The following RALYL variants were observed in gnomAD, a reference collection of about 807,000 sequenced individuals.
The protein encoded by RALYL is RALY RNA binding protein like, also known as RNA-binding Raly-like protein.
Under a neutral mutation model 35.1 loss-of-function variants are expected in RALYL, and 29 were observed. The ratio of observed to expected loss-of-function variants is 0.83; its 90% CI spans 0.61 to 1.13. The LOEUF (loss-of-function observed/expected upper bound fraction) is 1.13. Ranked by LOEUF, RALYL falls within the 50% of genes most tolerant of loss-of-function variation. RALYL has a pLI of 0.00. For synonymous variants in RALYL, 120 were observed against 127.6 expected (o/e 0.94, Z 0.40); for missense variants, 359 against 360.4 (o/e 1.00, Z 0.03).
chr8:84,683,981 C>A (rs903882773), intron 2 of RALYL, among the ~76,000 whole-genome samples: 2 of 152,162 alleles, frequency 1.3e-5, no homozygotes, highest in East Asian at 3.9e-4. Flanking sequence ...GGATTACAGG[C>A]GTTGAGCCAT....
intron 1 of RALYL, among the ~76,000 whole-genome samples, chr8:84,524,080 G>A (rs1277956543): frequency 6.6e-6 from 1 of 152,046 alleles, no homozygotes; most frequent in Non-Finnish European, 1.5e-5. Flanking sequence ...AGATCCCTGA[G>A]GAATCGCCAC....
chr8:84,212,402 A>AT (rs1263649434), intron 1 of RALYL, among the ~76,000 whole-genome samples: 1 of 151,866 alleles, frequency 6.6e-6, no homozygotes, highest in African/African-American at 2.4e-5. Flanking sequence ...TGACGCCTTC[A>AT]TTTTTTTTCT....
intron 2 of RALYL, among the ~76,000 whole-genome samples, chr8:84,753,787 T>A (rs1210954374): frequency 6.6e-6 from 1 of 152,178 alleles, no homozygotes; most frequent in African/African-American, 2.4e-5. Context: ...GTACAGCCAA[T>A]TAAACCGCTT....
At chr8:84,409,550 T>C (rs753816713) in intron 1 of RALYL, among the ~76,000 whole-genome samples, 3 of 152,074 alleles carry the variant, frequency 2.0e-5, no homozygotes, top group Non-Finnish European at 4.4e-5. Flanking sequence ...AATTGCACTT[T>C]ATAGACGAAG....
At chr8:84,544,334 T>C (rs1199716599) in intron 2 of RALYL, among the ~76,000 whole-genome samples, 1 of 152,030 alleles carries the variant, frequency 6.6e-6, no homozygotes, top group Non-Finnish European at 1.5e-5. Flanking sequence ...TTGTAAACTT[T>C]TATTTTTTTA....
At chr8:84,849,537 C>T (rs1440120342) in intron 4 of RALYL, among the ~76,000 whole-genome samples, 1 of 151,602 alleles carries the variant, frequency 6.6e-6, no homozygotes, top group Admixed American at 6.6e-5. Flanking sequence ...TTCATTCATA[C>T]CTAATTAAAA....
At chr8:84,232,320 T>A (rs942836900) in intron 1 of RALYL, among the ~76,000 whole-genome samples, 3 of 152,124 alleles carry the variant, frequency 2.0e-5, no homozygotes, top group Non-Finnish European at 4.4e-5. Context: ...GTGAAAGTTG[T>A]GTTCAACACA....
At chr8:84,419,502 A>G (rs2045195742) in intron 1 of RALYL, among the ~76,000 whole-genome samples, 1 of 151,878 alleles carries the variant, frequency 6.6e-6, no homozygotes, top group South Asian at 2.1e-4. Flanking sequence ...TACTATCCTG[A>G]GAAGTCTATT....
chr8:84,252,162 C>T (rs1421579387), intron 1 of RALYL, among the ~76,000 whole-genome samples: 3 of 151,978 alleles, frequency 2.0e-5, no homozygotes, highest in Admixed American at 2.0e-4. Flanking sequence ...TTTTGTGGTG[C>T]ACCCTATTTG....
chr8:84,679,405 A>G, intron 2 of RALYL: 1 of 265,128 alleles, frequency 3.8e-6, no homozygotes. Flanking sequence ...CTTGGCATGG[A>G]GCCTCCCAAG....
rs1849278322 is a variant in RALYL, at chr8:84,921,196, G to A, written c.*285G>A. Reference sequence around the variant, plus strand: ...AAAATGTGAAAGGCATTTATGAATGGTAAGGGAAACACTATATACAAATGT... The same window carrying A: ...AAAATGTGAAAGGCATTTATGAATGATAAGGGAAACACTATATACAAATGT... On this transcript the variant is annotated 3_prime_UTR_variant, in exon 9 of 9. Coordinates refer to ENST00000521268, the MANE Select transcript of RALYL (RefSeq NM_173848.7). The A allele has an allele frequency of 1.1e-5, 3 of 266,338 alleles. No individual in the cohort carries two copies. The highest frequency in any genetic ancestry group is 1.6e-4 in the South Asian group (1 of 6,440). The allele number at this position is 266,338 out of a possible 1,614,324, so 16.5% of individuals were successfully genotyped here. A position where few individuals can be genotyped will look rare whatever the true frequency, so the allele number is the denominator to read the frequency against.
At chr8:84,248,557 T>A (rs1470142322) in intron 1 of RALYL, among the ~76,000 whole-genome samples, 1 of 152,112 alleles carries the variant, frequency 6.6e-6, no homozygotes, top group Non-Finnish European at 1.5e-5. Flanking sequence ...TTTTGCGTAA[T>A]CCTTAGTCAT....
intron 1 of RALYL, among the ~76,000 whole-genome samples, chr8:84,290,428 C>T (rs1257138575): frequency 6.8e-6 from 1 of 147,802 alleles, no homozygotes; most frequent in Non-Finnish European, 1.5e-5. Flanking sequence ...AGGGTGGGGC[C>T]GTTTTATAGG....
intron 4 of RALYL, among the ~76,000 whole-genome samples, chr8:84,839,185 G>C (rs934561717): frequency 1.3e-5 from 2 of 152,266 alleles, no homozygotes; most frequent in African/African-American, 4.8e-5. Context: ...CCTCCCCCGG[G>C]AAGTGCAAGA....
intron 1 of RALYL, among the ~76,000 whole-genome samples, chr8:84,348,335 T>G (rs745713693): frequency 1.3e-5 from 2 of 152,134 alleles, no homozygotes; most frequent in Non-Finnish European, 2.9e-5. Flanking sequence ...GCTGACTGAG[T>G]AATGACTGAG....
At chr8:84,710,016 G>T (rs1467649399) in intron 2 of RALYL, among the ~76,000 whole-genome samples, 2 of 151,980 alleles carry the variant, frequency 1.3e-5, no homozygotes, top group African/African-American at 2.4e-5. Context: ...AGCCAAGATT[G>T]CACCACTGCA....
intron 1 of RALYL, among the ~76,000 whole-genome samples, chr8:84,511,616 T>C (rs1047183635): frequency 3.9e-5 from 6 of 152,184 alleles, no homozygotes; most frequent in Non-Finnish European, 8.8e-5. Context: ...ATAATAGTCA[T>C]TCTACTGTGC....
At chr8:84,469,049 AT>A (rs547436702) in intron 1 of RALYL, among the ~76,000 whole-genome samples, 26 of 151,426 alleles carry the variant, frequency 1.7e-4, no homozygotes, top group East Asian at 7.8e-4. Flanking sequence ...ATTCTTCTAA[AT>A]TTTTTTTCAA....
intron 1 of RALYL, among the ~76,000 whole-genome samples, chr8:84,220,160 TC>T (rs1821846636): frequency 6.6e-6 from 1 of 152,066 alleles, no homozygotes; most frequent in South Asian, 2.1e-4. Context: ...CTCACTCCTC[TC>T]TTTAAAATTT....
Sources: allele counts gnomAD v4.1 joint callset (sites outside exome capture counted in the v4.1 genomes callset), GRCh38; gene constraint gnomAD v4.1.1; transcripts MANE v1.5; gene names NCBI Gene and HGNC (gene_info 2026-07-23, HGNC 2026-07-21).